The following PSMD14 variants were observed in gnomAD, a reference collection of about 807,000 sequenced individuals.
PSMD14 encodes the protein proteasome 26S subunit, non-ATPase 14, also known as ubiquitin C-terminal hydrolase PSMD14.
PSMD14 carries 7 observed loss-of-function variants against 41.2 expected under a neutral mutation model. The observed-to-expected ratio is 0.17, with a 90% CI of 0.10 to 0.32. The LOEUF (loss-of-function observed/expected upper bound fraction) is 0.32, where lower values mean the gene tolerates loss of function less well. Among genes scored for constraint, PSMD14 ranks in the 10% least tolerant of loss-of-function variants. The pLI is 1.00. For synonymous variants in PSMD14, 114 were observed against 122.3 expected, an observed-to-expected ratio of 0.93 and a Z score of 0.45; for missense variants, 139 against 375.6, an observed-to-expected ratio of 0.37 and a Z score of 5.21.
At chr2:161,315,268 A>C (rs1388693862) in intron 1 of PSMD14, among the ~76,000 whole-genome samples, 1 of 152,220 alleles carries the variant, frequency 6.6e-6, no homozygotes, top group East Asian at 1.9e-4. Context: ...CGAACAACAA[A>C]AAATTATCTG....
chr2:161,337,066 TA>T (rs1426192416), intron 3 of PSMD14, among the ~76,000 whole-genome samples: 3 of 152,248 alleles, frequency 2.0e-5, no homozygotes, highest in Non-Finnish European at 4.4e-5. Flanking sequence ...TAAAAACCAT[TA>T]ACCAAGATGT....
chr2:161,331,916 C>T (rs552729663), intron 3 of PSMD14, among the ~76,000 whole-genome samples: 36 of 152,228 alleles, frequency 2.4e-4, no homozygotes, highest in African/African-American at 8.4e-4. Flanking sequence ...ATTATAGGGT[C>T]GAGTCACAGA....
intron 3 of PSMD14, among the ~76,000 whole-genome samples, chr2:161,327,210 G>C (rs1022508197): frequency 6.6e-6 from 1 of 152,164 alleles, no homozygotes; most frequent in South Asian, 2.1e-4. Context: ...CAGGAGCTGG[G>C]AAGAGGAGAG....
At chr2:161,381,655 T>C (rs192400957) in intron 7 of PSMD14, 1 of 152,014 alleles carries the variant, frequency 6.6e-6, no homozygotes, top group African/African-American at 2.4e-5. Context: ...AATAGCATAT[T>C]GGATGAACTG....
chr2:161,347,091 A>T (rs1053874994), intron 3 of PSMD14, among the ~76,000 whole-genome samples: 2 of 152,024 alleles, frequency 1.3e-5, no homozygotes, highest in African/African-American at 4.8e-5. Context: ...TCCCCTCTGC[A>T]CTGCAGTCCA....
At chr2:161,396,493 C>T (rs908161274) in intron 10 of PSMD14, among the ~76,000 whole-genome samples, 7 of 151,992 alleles carry the variant, frequency 4.6e-5, no homozygotes, top group African/African-American at 1.7e-4. Context: ...ATGGATAAAC[C>T]TGTAGGGCAT....
chr2:161,389,316 C>A (rs1156231936), intron 8 of PSMD14, among the ~76,000 whole-genome samples: 1 of 152,190 alleles, frequency 6.6e-6, no homozygotes, highest in East Asian at 1.9e-4. Context: ...AAGCTCCACT[C>A]TCTACGCCAG....
chr2:161,340,786 C>A, intron 3 of PSMD14: 1 of 1,613,324 alleles, frequency 6.2e-7, no homozygotes, highest in East Asian at 2.2e-5. Context: ...AAGGAAAAGC[C>A]TTTAGGAGGA....
chr2:161,334,782 C>T (rs1559040837), intron 3 of PSMD14, among the ~76,000 whole-genome samples: 1 of 152,226 alleles, frequency 6.6e-6, no homozygotes, highest in Admixed American at 6.5e-5. Flanking sequence ...ATCGCCCAGG[C>T]GAACTCCTGA....
chr2:161,348,330 A>G (rs1026269937), intron 3 of PSMD14, among the ~76,000 whole-genome samples: 3 of 152,218 alleles, frequency 2.0e-5, no homozygotes, highest in Non-Finnish European at 2.9e-5. Flanking sequence ...TCATTCTGCC[A>G]TTGTAGTGCT....
intron 3 of PSMD14, chr2:161,340,963 C>T: frequency 6.2e-7 from 1 of 1,613,254 alleles, no homozygotes; most frequent in Admixed American, 1.7e-5. Flanking sequence ...CCCTTCTCAC[C>T]ATCCAAGTCC....
At chr2:161,408,740 A>C in intron 10 of PSMD14, 97 bp from the exon 11 acceptor site, 1 of 843,136 alleles carries the variant, frequency 1.2e-6, no homozygotes, top group African/African-American at 1.7e-5. Flanking sequence ...AAGTTGTATG[A>C]ATGAAAATTC....
Position 161,324,285 on chromosome 2 carries a change from T to C in PSMD14, c.48+5412T>C, listed in dbSNP as rs139129574. On this transcript the variant is annotated intron_variant, in intron 3 of 11. Coordinates refer to ENST00000409682, the MANE Select transcript of PSMD14 (RefSeq NM_005805.6). ...AATAGACACACAAGCAATCATGTTT[T>C]AAGTGCCTAGTACACATTAACTACT... Among the ~76,000 whole-genome samples, 838 of 152,340 alleles carry C rather than the reference T, an allele frequency of 5.5e-3. 10 individuals are homozygous for C. Among genetic ancestry groups the C allele is most frequent in the African/African-American group, 0.019 (791 of 41,570 alleles).
chr2:161,327,028 ATTAAACT>A (rs1263424463), intron 3 of PSMD14, among the ~76,000 whole-genome samples: 1 of 152,164 alleles, frequency 6.6e-6, no homozygotes, highest in East Asian at 1.9e-4. Flanking sequence ...ATGGAATATT[ATTAAACT>A]TTAAAGGAAT....
At chr2:161,397,615 T>C (rs1340370874) in intron 10 of PSMD14, among the ~76,000 whole-genome samples, 4 of 152,192 alleles carry the variant, frequency 2.6e-5, no homozygotes, top group Non-Finnish European at 5.9e-5. Flanking sequence ...GTATTTCCCT[T>C]TTAAAAATAA....
At chr2:161,378,181 C>T (rs1206462836) in intron 7 of PSMD14, among the ~76,000 whole-genome samples, 1 of 151,856 alleles carries the variant, frequency 6.6e-6, no homozygotes, top group Non-Finnish European at 1.5e-5. Context: ...ATTGATCCCT[C>T]AGTTGTGATT....
intron 2 of PSMD14, among the ~76,000 whole-genome samples, chr2:161,317,544 A>T (rs996087750): frequency 6.6e-6 from 1 of 152,142 alleles, no homozygotes; most frequent in Non-Finnish European, 1.5e-5. Context: ...TGATGGTTAC[A>T]TGGATGTGTT....
At chr2:161,408,946 C>T (rs1683990796) in intron 11 of PSMD14, 47 bp downstream of exon 11, 10 of 1,468,262 alleles carry the variant, frequency 6.8e-6, no homozygotes, top group Non-Finnish European at 9.4e-6. Context: ...ATAACATGTT[C>T]TTATAGAGTT....
At chr2:161,314,743 A>C (rs1192372511) in intron 1 of PSMD14, among the ~76,000 whole-genome samples, 1 of 152,210 alleles carries the variant, frequency 6.6e-6, no homozygotes, top group Non-Finnish European at 1.5e-5. Flanking sequence ...TTATAGCTGA[A>C]CAGTATTTCA....
Sources: allele counts gnomAD v4.1 joint callset (sites outside exome capture counted in the v4.1 genomes callset), GRCh38; gene constraint gnomAD v4.1.1; transcripts MANE v1.5; gene names NCBI Gene and HGNC (gene_info 2026-07-23, HGNC 2026-07-21).